Variants in FAM8A1 observed in about 807,000 individuals in gnomAD.
FAM8A1 encodes family with sequence similarity 8 member A1.
A neutral mutation model predicts 38.3 loss-of-function variants in FAM8A1; 18 were observed. That is an observed-to-expected ratio of 0.47 (90% CI 0.33 to 0.70). The LOEUF (loss-of-function observed/expected upper bound fraction) is 0.70. Among genes scored for constraint, FAM8A1 ranks in the 30% least tolerant of loss-of-function variants. FAM8A1 has a pLI of 0.03. For synonymous variants in FAM8A1, 246 were observed against 234.4 expected (o/e 1.05, Z -0.45); for missense variants, 559 against 559.6 (o/e 1.00, Z 0.01).
rs184445549 is a variant in FAM8A1 at position 17,607,802 on chromosome 6, A to G, written c.1098-393A>G. 2.4e-3 allele frequency among the ~76,000 whole-genome samples: 371 copies of G among 152,368 alleles called. 2 individuals are homozygous for G. The highest frequency in any genetic ancestry group is 8.3e-3 in the African/African-American group (345 of 41,580). ...CTGATTAAAGAACACACAGTACTTT[A>G]AAATGCATGTTTTTTCTATAAGGTA... is the stretch of plus-strand genomic sequence containing the variant. On this transcript the variant is annotated intron_variant, in intron 4 of 4. Transcript: ENST00000259963.
In FAM8A1 at chr6:17,600,954, C is replaced by T; in HGVS notation, c.545C>T (p.Ala182Val). 1 of 1,592,662 alleles carries T rather than the reference C, an allele frequency of 6.3e-7. No individual in the cohort carries two copies. The highest frequency in any genetic ancestry group is 8.5e-7 in the Non-Finnish European group (1 of 1,171,930). The change falls in exon 1 of 5, where the codon GCC becomes GTC. Residue 182 changes from alanine (A) to valine (V), a missense_variant. This residue lies in a region of FAM8A1 where 393 missense variants were observed against 338.9 expected (regional missense o/e 1.16). Coordinates refer to ENST00000259963, the MANE Select transcript of FAM8A1 (RefSeq NM_016255.3). ...YNPFYFLSPG[A>V]AGPDPRTAAG... The stretch of plus-strand genomic sequence containing the variant: ...CCCTTCTACTTCCTGAGCCCCGGGG[C>T]CGCGGGGCCTGACCCGCGGACAGCT...
Position 17,602,562 on chromosome 6 carries a change from C to T in FAM8A1, c.713-28C>T. 7 of 1,434,238 alleles carry T rather than the reference C, an allele frequency of 4.9e-6. No individual in the cohort carries two copies. The African/African-American group carries it at 6.1e-5, about 13-fold the overall frequency. 88.8% of individuals were successfully genotyped at this position (1,434,238 alleles called of 1,614,324 possible). On this transcript the variant is annotated intron_variant, in intron 1 of 4. Coordinates refer to ENST00000259963, the MANE Select transcript of FAM8A1 (RefSeq NM_016255.3). ...GCTTATGTGAAATGATTCGTTTTTC[C>T]TAACTTTTTTTTTTTTTTAATTTAC...
Position 17,606,224 on chromosome 6 carries a change from G to A in FAM8A1, c.1097+211G>A, listed in dbSNP as rs191274078. On this transcript the variant is annotated intron_variant, in intron 4 of 4. Transcript: ENST00000259963. ...TTTTTTTTTTTTTTTTTTGTGAGAC[G>A]GAGTCTCACTCTGTTGCCCAGGCTG... Among the ~76,000 whole-genome samples, 825 of 138,834 alleles carry A rather than the reference G, an allele frequency of 5.9e-3. 3 individuals are homozygous for A. Among genetic ancestry groups the A allele is most frequent in the African/African-American group, 0.021 (756 of 35,478 alleles). The allele number at this position is 138,834 out of a possible 152,430, so 91.1% of individuals were successfully genotyped here.
At position 17,610,926 on chromosome 6, in the gene FAM8A1, G is replaced by A. The variant is rs1298736321; in HGVS notation, c.*2587G>A. 2 of 152,062 alleles carry A rather than the reference G, an allele frequency of 1.3e-5. No homozygotes were observed. Among genetic ancestry groups the A allele is most frequent in the Non-Finnish European group, 2.9e-5 (2 of 67,968 alleles). The allele number at this position is 152,062 out of a possible 1,614,324, so 9.4% of individuals were successfully genotyped here. ...GCTAATGCACCTTGAGAAAAATCTG[G>A]CATACTGAATAAATAACATTAACTT... On this transcript the variant is annotated 3_prime_UTR_variant, in exon 5 of 5. Coordinates refer to ENST00000259963, the MANE Select transcript of FAM8A1 (RefSeq NM_016255.3).
intron 4 of FAM8A1, 37 bp from the exon 5 acceptor site, chr6:17,608,158 G>A (rs756723942): frequency 2.5e-6 from 4 of 1,609,432 alleles, no homozygotes; most frequent in South Asian, 1.1e-5. Flanking sequence ...GTGGTTTGAT[G>A]TGTAACTTAC....
At chr6:17,602,363 G>A (rs1448705279) in intron 1 of FAM8A1, among the ~76,000 whole-genome samples, 1 of 152,062 alleles carries the variant, frequency 6.6e-6, no homozygotes, top group Non-Finnish European at 1.5e-5. Context: ...TAAACGTTAA[G>A]GTGATGAAAG....
At position 17,600,863 on chromosome 6, in the gene FAM8A1, C is replaced by T; in HGVS notation, c.454C>T (p.Pro152Ser). The change falls in exon 1 of 5, where the codon CCT becomes TCT. Residue 152 changes from proline (P) to serine (S), a missense_variant. Transcript: ENST00000259963. ...CCCCCAGCCCTCCCCGCAGAGCTTC[C>T]CTTCGGGCGGCGCTGCAGTCCCCCA... ...CSPQPSPQSF[P>S]SGGAAVPQAA... 6.2e-7 allele frequency: 1 copy of T among 1,608,306 alleles called. No individual in the cohort carries two copies. The highest frequency in any genetic ancestry group is 8.5e-7 in the Non-Finnish European group (1 of 1,179,188).
intron 2 of FAM8A1, 27 bp from the exon 3 acceptor site, chr6:17,604,879 A>G (rs753831816): frequency 1.3e-6 from 2 of 1,537,414 alleles, no homozygotes; most frequent in Non-Finnish European, 1.8e-6. Flanking sequence ...CTAATTATTT[A>G]TAACCCCAAA....
rs1764094480 is a variant in FAM8A1 at position 17,608,765 on chromosome 6, T to A, written c.*426T>A. On this transcript the variant is annotated 3_prime_UTR_variant, in exon 5 of 5. Coordinates refer to ENST00000259963, the MANE Select transcript of FAM8A1 (RefSeq NM_016255.3). Reference sequence around the variant, plus strand: ...TGTAACTCATCTTTTAGTTTACACTTCCTGGGGAAATTGTCTTTGGTGTTT... The same window carrying A: ...TGTAACTCATCTTTTAGTTTACACTACCTGGGGAAATTGTCTTTGGTGTTT... 6.6e-6 allele frequency: 1 copy of A among 152,574 alleles called. No individual in the cohort carries two copies. The highest frequency in any genetic ancestry group is 1.5e-5 in the Non-Finnish European group (1 of 68,300). 9.5% of individuals were successfully genotyped at this position (152,574 alleles called of 1,614,324 possible). A position where few individuals can be genotyped will look rare whatever the true frequency, so the allele number is the denominator to read the frequency against.
chr6:17,600,925 C>T lies in FAM8A1; in HGVS notation c.516C>T (p.Tyr172=), dbSNP rs1266369233. ...CGCCGCCCCCGCAGCTGGGCTATTA[C>T]AACCCCTTCTACTTCCTGAGCCCCG... ...AAPPPPQLGY[Y]NPFYFLSPGA... Residue 172 remains tyrosine, a synonymous_variant, in exon 1 of 5, where the codon TAC becomes TAT. Transcript: ENST00000259963. The T allele has an allele frequency of 6.3e-7, 1 of 1,593,596 alleles. No homozygotes were observed. The highest frequency in any genetic ancestry group is 8.5e-7 in the Non-Finnish European group (1 of 1,172,654).
chr6:17,610,592 A>G lies in FAM8A1; in HGVS notation c.*2253A>G, dbSNP rs1052053549. ...AGAAGGAACCAGACCTTAGTGCCAC[A>G]TATTTTTCTCTTGGGGTTGTAAGGT... On this transcript the variant is annotated 3_prime_UTR_variant, in exon 5 of 5. Transcript: ENST00000259963. 4.6e-5 allele frequency: 7 copies of G among 152,104 alleles called. No homozygotes were observed. The highest frequency in any genetic ancestry group is 1.7e-4 in the African/African-American group (7 of 41,434). The allele number at this position is 152,104 out of a possible 1,614,324, so 9.4% of individuals were successfully genotyped here.
chr6:17,610,654 C>T lies in FAM8A1; in HGVS notation c.*2315C>T, dbSNP rs1764128426. 6.6e-6 allele frequency: 1 copy of T among 152,118 alleles called. No homozygotes were observed. The highest frequency in any genetic ancestry group is 2.4e-5 in the African/African-American group (1 of 41,432). 9.4% of individuals were successfully genotyped at this position (152,118 alleles called of 1,614,324 possible). A position where few individuals can be genotyped will look rare whatever the true frequency, so the allele number is the denominator to read the frequency against. ...TTCCAGAACACTTTATTATATTTCACTTATAGACCTGATTTTCTGTGTCAA... is the reference window on the plus strand; with the variant it reads ...TTCCAGAACACTTTATTATATTTCATTTATAGACCTGATTTTCTGTGTCAA... On this transcript the variant is annotated 3_prime_UTR_variant, in exon 5 of 5. Transcript: ENST00000259963.
rs201711651 is a variant in FAM8A1, at chr6:17,605,932, G to A, written c.1016G>A (p.Arg339Gln). ...ATPGKFLLGL[R>Q]VVTCDTSVLI... ...CCAGGGAAGTTCCTGCTGGGGCTTC[G>A]AGTTGTGACATGTGATACATCAGTG... The change falls in exon 4 of 5, where the codon CGA becomes CAA. Residue 339 changes from arginine to glutamine, a missense_variant. Around this residue, in one of 2 missense-constraint regions of FAM8A1, gnomAD observed 166 missense variants for 220.8 expected, o/e 0.75. Coordinates refer to ENST00000259963, the MANE Select transcript of FAM8A1 (RefSeq NM_016255.3). The A allele has an allele frequency of 7.1e-5, 113 of 1,588,432 alleles. No homozygotes were observed. The highest frequency in any genetic ancestry group is 9.4e-5 in the Non-Finnish European group (109 of 1,162,980).
chr6:17,602,733 A>G, intron 2 of FAM8A1, 23 bp downstream of exon 2: 1 of 1,566,376 alleles, frequency 6.4e-7, no homozygotes, highest in South Asian at 1.2e-5. Flanking sequence ...CATTTGCAGA[A>G]GGGTTTTAAT....
chr6:17,602,720 G>A lies in FAM8A1; in HGVS notation c.833+10G>A. ...ACCTCAGTGGGATAAAGTAAGTTGAGGACATTTGCAGAAGGGTTTTAATTT... is the reference window on the plus strand; with the variant it reads ...ACCTCAGTGGGATAAAGTAAGTTGAAGACATTTGCAGAAGGGTTTTAATTT... On this transcript the variant is annotated intron_variant, in intron 2 of 4. Transcript: ENST00000259963. 1 of 1,543,158 alleles carries A rather than the reference G, an allele frequency of 6.5e-7. No homozygotes were observed. Among genetic ancestry groups the A allele is most frequent in the Non-Finnish European group, 8.7e-7 (1 of 1,144,830 alleles).
intron 2 of FAM8A1, among the ~76,000 whole-genome samples, chr6:17,604,477 C>T (rs1764026882): frequency 6.6e-6 from 1 of 152,174 alleles, no homozygotes; most frequent in Non-Finnish European, 1.5e-5. Context: ...TCTTCTTAGT[C>T]TGGCTAACTT....
intron 3 of FAM8A1, 125 bp downstream of exon 3, chr6:17,605,154 C>G (rs1764036250): frequency 2.7e-6 from 2 of 748,002 alleles, no homozygotes; most frequent in Non-Finnish European, 4.0e-6. Context: ...GATCTTGGCT[C>G]ACTGCAACCT....
rs1237576410 is a variant in FAM8A1 at position 17,610,560 on chromosome 6, C to T, written c.*2221C>T. On this transcript the variant is annotated 3_prime_UTR_variant, in exon 5 of 5. Transcript: ENST00000259963. ...AGTTTGGAAAAAAATGACAAAACAA[C>T]GAGGGAAGAAGGAACCAGACCTTAG... is the stretch of plus-strand genomic sequence containing the variant. 1 of 151,836 alleles carries T rather than the reference C, an allele frequency of 6.6e-6. No homozygotes were observed. The highest frequency in any genetic ancestry group is 1.5e-5 in the Non-Finnish European group (1 of 67,958). 9.4% of individuals were successfully genotyped at this position (151,836 alleles called of 1,614,324 possible).
Position 17,605,926 on chromosome 6 carries a change from G to A in FAM8A1, c.1010G>A (p.Gly337Glu). ...GCTACCCCAGGGAAGTTCCTGCTGG[G>A]GCTTCGAGTTGTGACATGTGATACA... Reference protein sequence around the residue: ...GGATPGKFLLGLRVVTCDTSV... With the variant: ...GGATPGKFLLELRVVTCDTSV... The change falls in exon 4 of 5, where the codon GGG (glycine) becomes GAG (glutamate). Residue 337 changes from glycine (G) to glutamate (E), a missense_variant. Physicochemically the swap from Gly to Glu is moderately conservative, Grantham distance 98 (BLOSUM62 -2). This residue lies in a region of FAM8A1 where 166 missense variants were observed against 220.8 expected (regional missense o/e 0.75). Transcript: ENST00000259963. The A allele has an allele frequency of 1.3e-6, 2 of 1,585,202 alleles. No homozygotes were observed. Among genetic ancestry groups the A allele is most frequent in the Non-Finnish European group, 1.7e-6 (2 of 1,161,212 alleles).
Sources: allele counts gnomAD v4.1 joint callset (sites outside exome capture counted in the v4.1 genomes callset), GRCh38; gene constraint gnomAD v4.1.1; regional missense constraint gnomAD v4.1.1; transcripts MANE v1.5; gene names NCBI Gene and HGNC (gene_info 2026-07-23, HGNC 2026-07-21).